CSMD2: variants seen among roughly 807,000 people sequenced by gnomAD.
CSMD2 encodes CUB and sushi domain-containing protein 2.
In CSMD2, 130 loss-of-function variants were observed where a neutral mutation model predicts 398.5. That is an observed-to-expected ratio of 0.33 (90% CI 0.28 to 0.38). The LOEUF is 0.38. Among genes scored for constraint, CSMD2 ranks in the 10% least tolerant of loss-of-function variants. The pLI, the probability that CSMD2 is intolerant of heterozygous loss-of-function variation, is 1.00. For missense variants in CSMD2, 3,829 were observed against 4,764.9 expected (o/e 0.80, Z 5.78); for synonymous variants, 1,828 against 1,908.5 (o/e 0.96, Z 1.10).
At chr1:33,704,548 T>C (rs1428573398) in intron 22 of CSMD2, among the ~76,000 whole-genome samples, 1 of 152,212 alleles carries the variant, frequency 6.6e-6, no homozygotes, top group Non-Finnish European at 1.5e-5. Flanking sequence ...CTTAATCACA[T>C]GATGTTTTGG....
At position 34,082,885 on chromosome 1, in the gene CSMD2, G is replaced by A. The variant is rs1657412860; in HGVS notation, c.404+6092C>T. 2.0e-5 allele frequency among the ~76,000 whole-genome samples: 3 copies of A among 152,166 alleles called. No individual in the cohort carries two copies. In the South Asian group the frequency reaches 6.2e-4, roughly 32 times the overall value. ...CTTGAAGGCAGCATGCTCGTTAAGAGTCACCACCACTCCCTAATCTCAAGT... is the reference window on the plus strand; with the variant it reads ...CTTGAAGGCAGCATGCTCGTTAAGAATCACCACCACTCCCTAATCTCAAGT... On this transcript the variant is annotated intron_variant, in intron 2 of 70. Coordinates refer to ENST00000373381, the MANE Select transcript of CSMD2 (RefSeq NM_001281956.2).
intron 3 of CSMD2, among the ~76,000 whole-genome samples, chr1:34,030,425 C>T (rs1299743388): frequency 3.3e-5 from 5 of 152,168 alleles, no homozygotes; most frequent in Non-Finnish European, 5.9e-5. Flanking sequence ...TGGCTGTGTT[C>T]CAATAAAACT....
chr1:33,545,566 T>C (rs890964254), intron 57 of CSMD2, among the ~76,000 whole-genome samples: 1 of 152,196 alleles, frequency 6.6e-6, no homozygotes, highest in Non-Finnish European at 1.5e-5. Flanking sequence ...TAAGGTATTT[T>C]CTTTTCTCTA....
At chr1:33,705,090 T>A (rs1398044816) in intron 22 of CSMD2, among the ~76,000 whole-genome samples, 1 of 152,120 alleles carries the variant, frequency 6.6e-6, no homozygotes, top group Admixed American at 6.5e-5. Context: ...GTTTCTGATT[T>A]CTGTTCTTTT....
rs1658339570 is a variant in CSMD2 at position 33,559,361 on chromosome 1, C to T, written c.8493G>A (p.Gly2831=). ...TGGCCAGGCATTGGGACCTAGCAGCCCCCTCAGCCATATACCCAGGGTTGC... is the reference window on the plus strand; with the variant it reads ...TGGCCAGGCATTGGGACCTAGCAGCTCCCTCAGCCATATACCCAGGGTTGC... The part of the protein sequence containing the change: ...FVCNPGYMAE[G]AARSQCLASG... Residue 2831 remains glycine, a synonymous_variant, in exon 54 of 71, where the codon GGG becomes GGA. Coordinates refer to ENST00000373381, the MANE Select transcript of CSMD2 (RefSeq NM_001281956.2). The surrounding 1 kb of genome is among the most constrained non-coding windows in gnomAD (Gnocchi z 4.0). 6 of 1,536,046 alleles carry T rather than the reference C, an allele frequency of 3.9e-6. No individual in the cohort carries two copies. The East Asian group carries it at 7.3e-5, about 19-fold the overall frequency.
At chr1:33,652,559 C>A (rs1643818798) in intron 27 of CSMD2, 98 bp from the exon 28 acceptor site, 3 of 1,408,924 alleles carry the variant, frequency 2.1e-6, no homozygotes, top group Non-Finnish European at 2.9e-6. Flanking sequence ...GAGGCTGAGG[C>A]TGACAGGCTG....
chr1:33,871,883 G>T (rs755825034), intron 5 of CSMD2, among the ~76,000 whole-genome samples: 1 of 152,108 alleles, frequency 6.6e-6, no homozygotes, highest in Non-Finnish European at 1.5e-5. Context: ...CTGGGATTAC[G>T]GCACGAGCCA....
intron 3 of CSMD2, among the ~76,000 whole-genome samples, chr1:34,007,472 T>C (rs1201957917): frequency 1.3e-5 from 2 of 152,160 alleles, no homozygotes; most frequent in African/African-American, 4.8e-5. Context: ...TTTAAAATTG[T>C]TAATATTCAG....
chr1:33,605,157 C>A, intron 42 of CSMD2, 125 bp downstream of exon 42: 1 of 917,778 alleles, frequency 1.1e-6, no homozygotes, highest in South Asian at 1.7e-5. Context: ...CAGGATGGAC[C>A]ACAGTTTGCC....
At chr1:34,004,946 C>G (rs1232391670) in intron 3 of CSMD2, among the ~76,000 whole-genome samples, 1 of 152,162 alleles carries the variant, frequency 6.6e-6, no homozygotes, top group Non-Finnish European at 1.5e-5. Flanking sequence ...CCTTTCTGGG[C>G]TGGGCTGAGC....
At chr1:33,813,663 T>A (rs1212444776) in intron 9 of CSMD2, among the ~76,000 whole-genome samples, 1 of 152,144 alleles carries the variant, frequency 6.6e-6, no homozygotes, top group African/African-American at 2.4e-5. Context: ...AGCTACCACC[T>A]GGACCCACAG....
intron 13 of CSMD2, among the ~76,000 whole-genome samples, chr1:33,748,576 G>T (rs1647719417): frequency 6.6e-6 from 1 of 152,024 alleles, no homozygotes; most frequent in Non-Finnish European, 1.5e-5. Context: ...CTTTTATTAT[G>T]TTTTTCTTTT....
At chr1:34,159,407 C>T (rs1012672524) in intron 1 of CSMD2, among the ~76,000 whole-genome samples, 9 of 147,008 alleles carry the variant, frequency 6.1e-5, no homozygotes, top group African/African-American at 2.3e-4. Context: ...GGATTCAGGC[C>T]TCAAAAGCAG....
rs1278451716 is a variant in CSMD2 at position 33,514,914 on chromosome 1, C to T, written c.*1710G>A. ...AGTCAGATCTTCTAATTGTTCCAAT[C>T]TAGAATTTGCTTAAGAACCAGGTGT... On this transcript the variant is annotated 3_prime_UTR_variant, in exon 71 of 71. Transcript: ENST00000373381. 6.6e-6 allele frequency: 1 copy of T among 152,152 alleles called. No homozygotes were observed. Among genetic ancestry groups the T allele is most frequent in the Non-Finnish European group, 1.5e-5 (1 of 68,032 alleles). 9.4% of individuals were successfully genotyped at this position (152,152 alleles called of 1,614,324 possible). A position where few individuals can be genotyped will look rare whatever the true frequency, so the allele number is the denominator to read the frequency against.
intron 9 of CSMD2, among the ~76,000 whole-genome samples, chr1:33,816,476 G>A (rs999352031): frequency 6.6e-6 from 1 of 152,120 alleles, no homozygotes. Flanking sequence ...GAAATCCCCT[G>A]ACCCAACTTT....
At chr1:34,144,622 G>A (rs900802059) in intron 1 of CSMD2, among the ~76,000 whole-genome samples, 5 of 152,304 alleles carry the variant, frequency 3.3e-5, no homozygotes, top group South Asian at 2.1e-4. Context: ...CCAAAGCCAT[G>A]TCTTCCAATC....
At chr1:33,907,489 T>C (rs1227234106) in intron 5 of CSMD2, among the ~76,000 whole-genome samples, 1 of 151,218 alleles carries the variant, frequency 6.6e-6, no homozygotes, top group Non-Finnish European at 1.5e-5. Context: ...AGAGTGGGAG[T>C]GAAGTAGGTA....
chr1:33,825,704 C>A lies in CSMD2; in HGVS notation c.1104G>T (p.Thr368=), dbSNP rs553564231. 9.9e-6 allele frequency: 16 copies of A among 1,610,668 alleles called. No individual in the cohort carries two copies. Among genetic ancestry groups the A allele is most frequent in the Non-Finnish European group, 1.3e-5 (15 of 1,178,682 alleles). Residue 368 remains threonine, a synonymous_variant, in exon 7 of 71, where the codon ACG becomes ACT. Coordinates refer to ENST00000373381, the MANE Select transcript of CSMD2 (RefSeq NM_001281956.2). The stretch of plus-strand genomic sequence containing the variant: ...TGGCGGGCGGACACTTACACACAGA[C>A]GTCTTCTGGCTGTTGTCTTTGCTGG... The part of the protein sequence containing the change: ...LMPSKDNSQK[T]SVLTQVGVSQ...
chr1:33,572,516 T>C lies in CSMD2; in HGVS notation c.7752A>G (p.Pro2584=), dbSNP rs781565991. The C allele has an allele frequency of 6.2e-7, 1 of 1,607,224 alleles. No homozygotes were observed. The highest frequency in any genetic ancestry group is 2.2e-5 in the East Asian group (1 of 44,730). The stretch of plus-strand genomic sequence containing the variant: ...TGCCCGAGGACTCACGGACACACTG[T>C]GGTGGGACATTGCGGTTGCTCCATA... ...TGLWSNRNVP[P]QCVPVTCPDV... The change falls in exon 50 of 71, where the codon CCA becomes CCG. Residue 2584 remains proline (P), a synonymous_variant. Coordinates refer to ENST00000373381, the MANE Select transcript of CSMD2 (RefSeq NM_001281956.2).
Sources: gnomAD v4.1 joint callset for allele counts (sites outside exome capture counted in the v4.1 genomes callset) on GRCh38, gnomAD v4.1.1 for gene constraint, Gnocchi (gnomAD v3.1) non-coding constraint, MANE v1.5 for transcripts, NCBI Gene and HGNC (gene_info 2026-07-23, HGNC 2026-07-21) for gene names.